Variants in CNGB3 observed in about 807,000 individuals in gnomAD.
The protein encoded by CNGB3 is cyclic nucleotide gated channel subunit beta 3.
A neutral mutation model predicts 92.8 loss-of-function variants in CNGB3; 86 were observed. The observed-to-expected ratio is 0.93, with a 90% CI of 0.78 to 1.11. The LOEUF is 1.11. Ranked by LOEUF, CNGB3 falls within the 50% of genes least tolerant of loss-of-function variation. CNGB3 has a pLI of 0.00. For missense variants in CNGB3, 1,026 were observed against 956.8 expected (o/e 1.07, Z -0.95); for synonymous variants, 333 against 332.7 (o/e 1.00, Z -0.01).
At chr8:86,728,325 G>A (rs1469059410) in intron 2 of CNGB3, among the ~76,000 whole-genome samples, 1 of 152,070 alleles carries the variant, frequency 6.6e-6, no homozygotes, top group Non-Finnish European at 1.5e-5. Context: ...ACACTAATGA[G>A]TTTATCAGTA....
chr8:86,716,490 A>C (rs996624239), intron 3 of CNGB3, among the ~76,000 whole-genome samples: 36 of 152,214 alleles, frequency 2.4e-4, no homozygotes, highest in African/African-American at 8.7e-4. Context: ...GTAACTTATA[A>C]AGGAAAACCT....
At chr8:86,603,981 T>C (rs1349261922) in intron 15 of CNGB3, 112 bp downstream of exon 15, 3 of 760,122 alleles carry the variant, frequency 3.9e-6, no homozygotes, top group Admixed American at 1.9e-5. Flanking sequence ...ACGAATGCTC[T>C]CAGCACAATC....
chr8:86,700,640 T>C (rs1347576182), intron 3 of CNGB3, among the ~76,000 whole-genome samples: 2 of 152,078 alleles, frequency 1.3e-5, no homozygotes, highest in Non-Finnish European at 2.9e-5. Context: ...GTGAAGAAGT[T>C]TTATTTTTTA....
intron 15 of CNGB3, among the ~76,000 whole-genome samples, chr8:86,599,125 G>A (rs1268853540): frequency 6.6e-6 from 1 of 152,194 alleles, no homozygotes; most frequent in African/African-American, 2.4e-5. Flanking sequence ...GGATTGTGAA[G>A]ATTTCATGGA....
chr8:86,637,029 C>T (rs1442914759), intron 10 of CNGB3, among the ~76,000 whole-genome samples: 1 of 152,104 alleles, frequency 6.6e-6, no homozygotes, highest in Non-Finnish European at 1.5e-5. Context: ...AGGTTCCTTC[C>T]ATGTTTTGGC....
In CNGB3 at chr8:86,711,781, A is replaced by G. The variant is rs113139000; in HGVS notation, c.338+14750T>C. 6.2e-3 allele frequency among the ~76,000 whole-genome samples: 945 copies of G among 151,880 alleles called. 13 individuals are homozygous for G. The highest frequency in any genetic ancestry group is 0.021 in the African/African-American group (883 of 41,404). ...CATTATTAATGACTTTTAAGGATACAAAGCACAGATGGAGGCTCTAGCAGG... is the reference window on the plus strand; with the variant it reads ...CATTATTAATGACTTTTAAGGATACGAAGCACAGATGGAGGCTCTAGCAGG... On this transcript the variant is annotated intron_variant, in intron 3 of 17. Coordinates refer to ENST00000320005, the MANE Select transcript of CNGB3 (RefSeq NM_019098.5).
At chr8:86,626,516 C>T (rs1173789751) in intron 12 of CNGB3, among the ~76,000 whole-genome samples, 1 of 152,132 alleles carries the variant, frequency 6.6e-6, no homozygotes, top group Non-Finnish European at 1.5e-5. Flanking sequence ...AGAGCTCTGT[C>T]ACACCCATTA....
intron 9 of CNGB3, 139 bp downstream of exon 9, chr8:86,644,483 T>G: frequency 9.5e-7 from 1 of 1,055,740 alleles, no homozygotes; most frequent in South Asian, 1.8e-5. Flanking sequence ...TTCTAGAACA[T>G]AGTCCTATAT....
chr8:86,633,517 A>G (rs1452294776), intron 10 of CNGB3, among the ~76,000 whole-genome samples: 4 of 152,110 alleles, frequency 2.6e-5, no homozygotes. Context: ...TTTACATGAG[A>G]GCTGTTTTCC....
At chr8:86,642,170 G>T (rs966577147) in intron 10 of CNGB3, among the ~76,000 whole-genome samples, 6 of 151,624 alleles carry the variant, frequency 4.0e-5, no homozygotes, top group African/African-American at 1.5e-4. Context: ...TGTAAAAGGA[G>T]AAATAGCTTC....
At chr8:86,669,565 C>T (rs1361966055) in intron 4 of CNGB3, among the ~76,000 whole-genome samples, 2 of 152,168 alleles carry the variant, frequency 1.3e-5, no homozygotes, top group Non-Finnish European at 2.9e-5. Context: ...TCACACATGT[C>T]ACACACAATA....
At chr8:86,683,595 A>G (rs374538819) in intron 3 of CNGB3, among the ~76,000 whole-genome samples, 2 of 152,168 alleles carry the variant, frequency 1.3e-5, no homozygotes, top group East Asian at 1.9e-4. Flanking sequence ...TTATATTTTC[A>G]TGAAGACATT....
chr8:86,732,954 A>G (rs1345813043), intron 2 of CNGB3, among the ~76,000 whole-genome samples: 1 of 152,176 alleles, frequency 6.6e-6, no homozygotes, highest in Non-Finnish European at 1.5e-5. Context: ...ATACTGCATG[A>G]TGCTGAGGTT....
chr8:86,626,005 A>G lies in CNGB3; in HGVS notation c.1556T>C (p.Ile519Thr). 6.2e-7 allele frequency: 1 copy of G among 1,613,818 alleles called. No homozygotes were observed. The highest frequency in any genetic ancestry group is 8.5e-7 in the Non-Finnish European group (1 of 1,179,832). Residue 519 changes from isoleucine (I) to threonine (T), a missense_variant, in exon 13 of 18, where the codon ATC (isoleucine) becomes ACC (threonine). Physicochemically the swap from Ile to Thr is moderately conservative, Grantham distance 89 (BLOSUM62 -1). Coordinates refer to ENST00000320005, the MANE Select transcript of CNGB3 (RefSeq NM_019098.5). Reference protein sequence around the residue: ...ALAIDVNFSIISKVDLFKGCD... With the variant: ...ALAIDVNFSITSKVDLFKGCD... Reference sequence around the variant, plus strand: ...TGCCTTGAACAAGTCGACTTTGCTGATGATGCTGAAGTTCACATCAATGGC... The same window carrying G: ...TGCCTTGAACAAGTCGACTTTGCTGGTGATGCTGAAGTTCACATCAATGGC...
chr8:86,603,377 G>GT (rs1822346839), intron 15 of CNGB3, among the ~76,000 whole-genome samples: 1 of 152,156 alleles, frequency 6.6e-6, no homozygotes. Context: ...ATGAATAAAT[G>GT]TGATAATGCA....
Position 86,667,000 on chromosome 8 carries a change from T to A in CNGB3, c.777A>T (p.Ile259=), listed in dbSNP as rs1355759651. The A allele has an allele frequency of 6.2e-7, 1 of 1,613,784 alleles. No individual in the cohort carries two copies. Among genetic ancestry groups the A allele is most frequent in the Non-Finnish European group, 8.5e-7 (1 of 1,180,016 alleles). The change falls in exon 6 of 18, where the codon ATA becomes ATT. Residue 259 remains isoleucine (I), a synonymous_variant. Coordinates refer to ENST00000320005, the MANE Select transcript of CNGB3 (RefSeq NM_019098.5). ...NIHYWLIADI[I]CDIIYLYDML... ...TATCATAAAGGTAGATGATATCACATATGATGTCCGCAATAAGCCAGTAGT... is the reference window on the plus strand; with the variant it reads ...TATCATAAAGGTAGATGATATCACAAATGATGTCCGCAATAAGCCAGTAGT...
At chr8:86,720,747 C>T (rs1289408371) in intron 3 of CNGB3, among the ~76,000 whole-genome samples, 1 of 151,228 alleles carries the variant, frequency 6.6e-6, no homozygotes, top group East Asian at 1.9e-4. Flanking sequence ...GGAACCAACC[C>T]AAATGCTTGT....
At chr8:86,585,077 G>A (rs888898480) in intron 15 of CNGB3, among the ~76,000 whole-genome samples, 5 of 152,126 alleles carry the variant, frequency 3.3e-5, no homozygotes, top group African/African-American at 1.2e-4. Context: ...AGAAGAAATA[G>A]TACTAGTGTG....
At chr8:86,580,190 C>CGGGGA (rs112115450) in intron 15 of CNGB3, among the ~76,000 whole-genome samples, 1 of 45,044 alleles carries the variant, frequency 2.2e-5, no homozygotes, top group African/African-American at 7.1e-5. Flanking sequence ...GAGAATAGCA[C>CGGGGA]GGGGGGGGTG....
Sources: gnomAD v4.1 joint callset for allele counts (sites outside exome capture counted in the v4.1 genomes callset) on GRCh38, gnomAD v4.1.1 for gene constraint, MANE v1.5 for transcripts, NCBI Gene and HGNC (gene_info 2026-07-23, HGNC 2026-07-21) for gene names.